Variants in FNDC3A observed in about 807,000 individuals in gnomAD.
The protein encoded by FNDC3A is fibronectin type III domain containing 3A.
FNDC3A carries 32 observed loss-of-function variants against 148.9 expected under a neutral mutation model. The observed-to-expected ratio is 0.21, with a 90% confidence interval of 0.16 to 0.29. The LOEUF (loss-of-function observed/expected upper bound fraction) is 0.29, where lower values mean the gene tolerates loss of function less well. Among genes scored for constraint, FNDC3A ranks in the 10% least tolerant of loss-of-function variants. FNDC3A has a pLI of 1.00. For missense variants in FNDC3A, 1,191 were observed against 1,452.8 expected, an observed-to-expected ratio of 0.82 and a Z score of 2.93; for synonymous variants, 472 against 473.6, an observed-to-expected ratio of 1.00 and a Z score of 0.04.
chr13:49,119,814 A>G (rs1881216519), intron 4 of FNDC3A, among the ~76,000 whole-genome samples: 1 of 152,088 alleles, frequency 6.6e-6, no homozygotes, highest in Admixed American at 6.5e-5. Flanking sequence ...TGAACGAACA[A>G]AGCCTCCAAG....
intron 5 of FNDC3A, among the ~76,000 whole-genome samples, chr13:49,132,426 A>G (rs1409923980): frequency 6.6e-6 from 1 of 152,234 alleles, no homozygotes; most frequent in Non-Finnish European, 1.5e-5. Flanking sequence ...TAGGACGGAT[A>G]AGTCTTCATT....
chr13:49,013,462 A>T (rs936909729), intron 2 of FNDC3A, among the ~76,000 whole-genome samples: 1 of 151,940 alleles, frequency 6.6e-6, no homozygotes, highest in African/African-American at 2.4e-5. Flanking sequence ...GTACATGTGT[A>T]TACATATGTA....
At chr13:49,118,277 A>G (rs1295008531) in intron 4 of FNDC3A, among the ~76,000 whole-genome samples, 1 of 152,146 alleles carries the variant, frequency 6.6e-6, no homozygotes, top group Non-Finnish European at 1.5e-5. Flanking sequence ...CCCCTAGCCA[A>G]GGGAAGCCAT....
At chr13:48,978,313 A>G (rs999656852) in intron 1 of FNDC3A, among the ~76,000 whole-genome samples, 1 of 152,162 alleles carries the variant, frequency 6.6e-6, no homozygotes, top group African/African-American at 2.4e-5. Context: ...CGAAAAAAAG[A>G]GGGAATGCAT....
chr13:48,980,068 TA>T (rs528860581), intron 1 of FNDC3A, among the ~76,000 whole-genome samples: 19 of 151,030 alleles, frequency 1.3e-4, no homozygotes, highest in African/African-American at 4.4e-4. Flanking sequence ...TATGTTATCC[TA>T]AAAAAAAAGT....
chr13:49,091,733 G>A (rs1299115791), intron 3 of FNDC3A, among the ~76,000 whole-genome samples: 2 of 152,194 alleles, frequency 1.3e-5, no homozygotes, highest in African/African-American at 4.8e-5. Flanking sequence ...GGTGCAGGCT[G>A]GGGGAGAGAA....
At chr13:49,091,846 G>A (rs1301424383) in intron 3 of FNDC3A, among the ~76,000 whole-genome samples, 1 of 152,206 alleles carries the variant, frequency 6.6e-6, no homozygotes, top group Non-Finnish European at 1.5e-5. Context: ...TCCATTTGAT[G>A]ATGGAATGCT....
chr13:49,116,785 C>CAAAAA (rs55711716), intron 4 of FNDC3A, among the ~76,000 whole-genome samples: 1 of 140,278 alleles, frequency 7.1e-6, no homozygotes, highest in Non-Finnish European at 1.5e-5. Context: ...GACTCCGTCT[C>CAAAAA]AAAAAAAAAA....
intron 3 of FNDC3A, among the ~76,000 whole-genome samples, chr13:49,088,356 A>G (rs1878950705): frequency 6.6e-6 from 1 of 152,166 alleles, no homozygotes; most frequent in African/African-American, 2.4e-5. Flanking sequence ...CTGACACCAA[A>G]GAGATCATGT....
In FNDC3A at chr13:49,196,271, A is replaced by T. The variant is rs78364268; in HGVS notation, c.2227-606A>T. Among the ~76,000 whole-genome samples, 1,019 of 152,172 alleles carry T rather than the reference A, an allele frequency of 6.7e-3. 13 individuals carry two copies. The highest frequency in any genetic ancestry group is 0.023 in the African/African-American group (969 of 41,520). On this transcript the variant is annotated intron_variant, in intron 19 of 25. Coordinates refer to ENST00000492622, the MANE Select transcript of FNDC3A (RefSeq NM_001079673.2). ...TAATGAGCTTTGAAAAATTGATGAC[A>T]AGAAATTTCTGTAATTGTTCTCCTA...
chr13:49,178,174 G>A (rs1183129581), intron 13 of FNDC3A, among the ~76,000 whole-genome samples: 1 of 152,140 alleles, frequency 6.6e-6, no homozygotes, highest in Non-Finnish European at 1.5e-5. Context: ...ATGTGTTAAA[G>A]GCAAGTTAAA....
intron 2 of FNDC3A, among the ~76,000 whole-genome samples, chr13:49,032,132 T>G (rs1396897598): frequency 6.6e-6 from 1 of 152,158 alleles, no homozygotes; most frequent in African/African-American, 2.4e-5. Flanking sequence ...ATTAAAAAGA[T>G]AAAAACAAGT....
At chr13:49,103,732 TG>T (rs1879997450) in intron 3 of FNDC3A, among the ~76,000 whole-genome samples, 1 of 152,090 alleles carries the variant, frequency 6.6e-6, no homozygotes, top group South Asian at 2.1e-4. Context: ...GAAATTGAGA[TG>T]GGGGGAAAAT....
chr13:49,011,046 C>T (rs569772619), intron 2 of FNDC3A, among the ~76,000 whole-genome samples: 2 of 152,168 alleles, frequency 1.3e-5, no homozygotes, highest in South Asian at 4.1e-4. Flanking sequence ...TATCTGTTCT[C>T]TTCTTGATGA....
chr13:49,126,613 A>G (rs143766201), intron 4 of FNDC3A, among the ~76,000 whole-genome samples: 7 of 152,334 alleles, frequency 4.6e-5, no homozygotes, highest in East Asian at 1.9e-4. Context: ...TATGGCTTCT[A>G]TGCCCACAAA....
intron 2 of FNDC3A, among the ~76,000 whole-genome samples, chr13:49,057,588 A>T (rs926707102): frequency 4.6e-5 from 7 of 152,068 alleles, no homozygotes; most frequent in African/African-American, 1.7e-4. Flanking sequence ...AGGATATCCA[A>T]TATTCATGTT....
intron 1 of FNDC3A, among the ~76,000 whole-genome samples, chr13:49,001,672 A>G (rs1952128047): frequency 6.6e-6 from 1 of 152,152 alleles, no homozygotes; most frequent in South Asian, 2.1e-4. Context: ...GGGATGAAAT[A>G]AGCCCCAGTC....
chr13:49,178,803 G>T, intron 14 of FNDC3A, 149 bp downstream of exon 14: 1 of 523,058 alleles, frequency 1.9e-6, no homozygotes, highest in South Asian at 2.6e-5. Context: ...CACAATCATG[G>T]CTCACTGCAG....
chr13:49,040,177 G>A (rs1438103307), intron 2 of FNDC3A, among the ~76,000 whole-genome samples: 2 of 152,126 alleles, frequency 1.3e-5, no homozygotes, highest in Admixed American at 1.3e-4. Context: ...CATGTTTTAA[G>A]CATATGTTTA....
Sources: allele counts gnomAD v4.1 joint callset (sites outside exome capture counted in the v4.1 genomes callset), GRCh38; gene constraint gnomAD v4.1.1; transcripts MANE v1.5; gene names NCBI Gene and HGNC (gene_info 2026-07-23, HGNC 2026-07-21).